Variants in CCSER1 observed in about 807,000 individuals in gnomAD.
The protein encoded by CCSER1 is serine-rich coiled-coil domain-containing protein 1.
In CCSER1, 41 loss-of-function variants were observed where a neutral mutation model predicts 82.0. The ratio of observed to expected loss-of-function variants is 0.50; its 90% CI spans 0.39 to 0.65. The LOEUF is 0.65. Ranked by LOEUF, CCSER1 falls within the 30% of genes least tolerant of loss-of-function variation. CCSER1 has a pLI of 0.00. For missense variants in CCSER1, 1,119 were observed against 1,064.2 expected (o/e 1.05, Z -0.72); for synonymous variants, 414 against 383.9 (o/e 1.08, Z -0.92).
chr4:90,468,305 A>G lies in CCSER1; in HGVS notation c.1675A>G (p.Ile559Val). ...AGTTCTTACTCCTATGGAACCAATGATAGAAATGAAGAAAAGAGAAGAACC... is the reference window on the plus strand; with the variant it reads ...AGTTCTTACTCCTATGGAACCAATGGTAGAAATGAAGAAAAGAGAAGAACC... ...AVVLTPMEPMIEMKKREEPEF... is the reference protein window; with the variant it reads ...AVVLTPMEPMVEMKKREEPEF... Residue 559 changes from isoleucine (I) to valine (V), a missense_variant, in exon 5 of 11, where the codon ATA becomes GTA. By Grantham distance (29) the Ile-to-Val change is conservative. Coordinates refer to ENST00000509176, the MANE Select transcript of CCSER1 (RefSeq NM_001145065.2). 1 of 1,609,246 alleles carries G rather than the reference A, an allele frequency of 6.2e-7. No individual in the cohort carries two copies. The highest frequency in any genetic ancestry group is 1.1e-5 in the South Asian group (1 of 90,256).
chr4:91,302,011 A>G (rs761916547), intron 10 of CCSER1, among the ~76,000 whole-genome samples: 2 of 135,534 alleles, frequency 1.5e-5, no homozygotes, highest in African/African-American at 2.8e-5. Context: ...TCCCTTGTTT[A>G]TTTCTTTCTT....
intron 7 of CCSER1, among the ~76,000 whole-genome samples, chr4:90,752,644 TA>T (rs1174176191): frequency 6.6e-6 from 1 of 152,094 alleles, no homozygotes; most frequent in Non-Finnish European, 1.5e-5. Flanking sequence ...TGTAAATTTG[TA>T]TTTCCCTTCA....
intron 7 of CCSER1, 131 bp from the exon 8 acceptor site, chr4:90,815,631 C>A: frequency 1.8e-6 from 1 of 567,800 alleles, no homozygotes; most frequent in Non-Finnish European, 3.0e-6. Context: ...TGAAAAATAT[C>A]ATACTATAGA....
intron 10 of CCSER1, among the ~76,000 whole-genome samples, chr4:91,179,746 A>C (rs1306590620): frequency 1.3e-5 from 2 of 152,216 alleles, no homozygotes; most frequent in Non-Finnish European, 2.9e-5. Context: ...ATGGGTTTGA[A>C]CATCCTCCTT....
intron 10 of CCSER1, among the ~76,000 whole-genome samples, chr4:91,580,109 A>G (rs892185487): frequency 6.6e-6 from 1 of 151,874 alleles, no homozygotes; most frequent in Non-Finnish European, 1.5e-5. Context: ...ATTTACTGCC[A>G]GTTACTGCAG....
intron 4 of CCSER1, among the ~76,000 whole-genome samples, chr4:90,462,438 G>T (rs1763062462): frequency 6.6e-6 from 1 of 152,088 alleles, no homozygotes; most frequent in South Asian, 2.1e-4. Flanking sequence ...GACCCATCCA[G>T]GTTACCTAGG....
rs940710257 is a variant in CCSER1 at position 90,313,213 on chromosome 4, C to G, written c.1509+166C>G. The G allele has an allele frequency of 2.4e-5, 15 of 612,342 alleles. No individual in the cohort carries two copies. The Admixed American group carries it at 4.3e-4, about 18-fold the overall frequency. 37.9% of individuals were successfully genotyped at this position (612,342 alleles called of 1,614,324 possible). On this transcript the variant is annotated intron_variant, in intron 3 of 10. Transcript: ENST00000509176. ...CAAGTCAGAGAAACAAATTTTTCAC[C>G]TAGGTCAGGATGGAGTTCACCATGA... is the stretch of plus-strand genomic sequence containing the variant.
chr4:90,694,164 G>A (rs938356076), intron 6 of CCSER1, among the ~76,000 whole-genome samples: 7 of 152,020 alleles, frequency 4.6e-5, no homozygotes, highest in African/African-American at 9.6e-5. Context: ...GGAAGATTTG[G>A]AACAAATCCC....
intron 10 of CCSER1, among the ~76,000 whole-genome samples, chr4:91,436,060 G>T (rs1476130531): frequency 6.6e-6 from 1 of 152,190 alleles, no homozygotes; most frequent in Non-Finnish European, 1.5e-5. Context: ...ATTGAAGGTA[G>T]ATTAATTATA....
intron 9 of CCSER1, among the ~76,000 whole-genome samples, chr4:90,984,760 A>AT (rs1484424966): frequency 1.3e-5 from 2 of 151,678 alleles, no homozygotes; most frequent in Non-Finnish European, 3.0e-5. Flanking sequence ...TATTATATCC[A>AT]TTGCATCTCT....
At chr4:91,204,492 C>T (rs1438810896) in intron 10 of CCSER1, among the ~76,000 whole-genome samples, 1 of 151,858 alleles carries the variant, frequency 6.6e-6, no homozygotes, top group African/African-American at 2.4e-5. Context: ...TTGTTACTGT[C>T]TTTTCAACTG....
intron 8 of CCSER1, among the ~76,000 whole-genome samples, chr4:90,828,304 C>A (rs1196566634): frequency 6.6e-6 from 1 of 151,060 alleles, no homozygotes; most frequent in Non-Finnish European, 1.5e-5. Flanking sequence ...TAAAATGTAT[C>A]TTTATATTTT....
chr4:90,297,854 A>T (rs995450085), intron 1 of CCSER1, among the ~76,000 whole-genome samples: 1 of 152,054 alleles, frequency 6.6e-6, no homozygotes, highest in African/African-American at 2.4e-5. Context: ...CCACTTGATC[A>T]TGGTGGATAA....
At chr4:91,226,831 A>G (rs1441503144) in intron 10 of CCSER1, among the ~76,000 whole-genome samples, 2 of 151,910 alleles carry the variant, frequency 1.3e-5, no homozygotes, top group Non-Finnish European at 2.9e-5. Flanking sequence ...AGAGCATTAT[A>G]TACTTTCAGT....
intron 10 of CCSER1, among the ~76,000 whole-genome samples, chr4:91,498,319 G>C (rs989528237): frequency 6.6e-6 from 1 of 151,894 alleles, no homozygotes; most frequent in Non-Finnish European, 1.5e-5. Flanking sequence ...TAGTTACACT[G>C]TATATTATCC....
intron 5 of CCSER1, among the ~76,000 whole-genome samples, chr4:90,583,612 G>A (rs1170719840): frequency 7.9e-5 from 12 of 151,998 alleles, no homozygotes; most frequent in Admixed American, 4.6e-4. Context: ...GGTGACGACC[G>A]AAACTTTAAT....
At chr4:91,520,232 A>G (rs1760379996) in intron 10 of CCSER1, among the ~76,000 whole-genome samples, 1 of 151,582 alleles carries the variant, frequency 6.6e-6, no homozygotes, top group Non-Finnish European at 1.5e-5. Context: ...AGGGATTACA[A>G]TTAATGTCTT....
chr4:90,476,641 A>G (rs1012362712), intron 5 of CCSER1, among the ~76,000 whole-genome samples: 2 of 152,212 alleles, frequency 1.3e-5, no homozygotes. Context: ...GAAGGTTTTC[A>G]AACGTCAAGA....
At position 90,400,075 on chromosome 4, in the gene CCSER1, G is replaced by C. The variant is rs1409919600; in HGVS notation, c.1549G>C (p.Asp517His). Residue 517 changes from aspartate (D) to histidine (H), a missense_variant, in exon 4 of 11, where the codon GAT (aspartate) becomes CAT (histidine). By Grantham distance (81) the Asp-to-His change is moderately conservative (BLOSUM62 -1). Coordinates refer to ENST00000509176, the MANE Select transcript of CCSER1 (RefSeq NM_001145065.2). ...TTTGGGATCTTGTGAACTGGATGAA[G>C]ATGATCTAATGCTTGATCTTGAATT... ...NNLGSCELDE[D>H]DLMLDLEFLE... The C allele has an allele frequency of 6.8e-6, 11 of 1,609,082 alleles. No homozygotes were observed. The East Asian group carries it at 2.5e-4, about 36-fold the overall frequency.
Sources: allele counts gnomAD v4.1 joint callset (sites outside exome capture counted in the v4.1 genomes callset), GRCh38; gene constraint gnomAD v4.1.1; transcripts MANE v1.5; gene names NCBI Gene and HGNC (gene_info 2026-07-23, HGNC 2026-07-21).